CEMIP: variants seen among roughly 807,000 people sequenced by gnomAD.
The protein encoded by CEMIP is cell migration inducing hyaluronidase 1, also known as cell migration-inducing and hyaluronan-binding protein.
Under a neutral mutation model 156.9 loss-of-function variants are expected in CEMIP, and 105 were observed. The observed-to-expected ratio is 0.67, with a 90% CI of 0.57 to 0.79. The LOEUF (loss-of-function observed/expected upper bound fraction) is 0.79. Among genes scored for constraint, CEMIP ranks in the 30% least tolerant of loss-of-function variants. CEMIP has a pLI of 0.00. For missense variants in CEMIP, 1,457 were observed against 1,769.4 expected (o/e 0.82, Z 3.17); for synonymous variants, 676 against 668.4 (o/e 1.01, Z -0.17).
intron 1 of CEMIP, among the ~76,000 whole-genome samples, chr15:80,828,588 TG>T (rs1403125063): frequency 6.6e-6 from 1 of 152,262 alleles, no homozygotes. Context: ...ATTTGTAAAG[TG>T]AATATTCTTA....
rs375316730 is a variant in CEMIP at position 80,909,353 on chromosome 15, G to A, written c.1797+47G>A. The A allele has an allele frequency of 3.2e-4, 500 of 1,577,604 alleles. 4 individuals carry two copies. The highest frequency in any genetic ancestry group is 1.7e-4 in the Middle Eastern group (1 of 6,000). ...GGAACTCTGGGGATGGGCCATGGAT[G>A]GTTAGCACTGGAGGGGTGTTTGGAT... On this transcript the variant is annotated intron_variant, in intron 14 of 29. Transcript: ENST00000394685.
chr15:80,856,921 C>T (rs944252205), intron 1 of CEMIP, among the ~76,000 whole-genome samples: 5 of 152,178 alleles, frequency 3.3e-5, no homozygotes, highest in Admixed American at 6.5e-5. Context: ...CACAATGAGC[C>T]GGTGGCACCC....
intron 1 of CEMIP, among the ~76,000 whole-genome samples, chr15:80,824,799 C>G (rs968873430): frequency 2.0e-5 from 3 of 152,186 alleles, no homozygotes; most frequent in African/African-American, 7.2e-5. Flanking sequence ...CCTCTTTGAA[C>G]TAGGTAGGGT....
intron 29 of CEMIP, chr15:80,948,519 C>T: frequency 2.1e-6 from 1 of 483,862 alleles, no homozygotes; most frequent in South Asian, 2.0e-5. Context: ...TTACAGTTTG[C>T]CCCATTTCCT....
At chr15:80,890,559 C>A (rs1309743889) in intron 10 of CEMIP, among the ~76,000 whole-genome samples, 2 of 150,250 alleles carry the variant, frequency 1.3e-5, no homozygotes, top group Non-Finnish European at 3.0e-5. Flanking sequence ...TGTACTCCAG[C>A]CTGGGTGACC....
intron 17 of CEMIP, among the ~76,000 whole-genome samples, chr15:80,923,240 A>G (rs935136089): frequency 3.3e-5 from 5 of 152,132 alleles, no homozygotes; most frequent in Non-Finnish European, 7.3e-5. Flanking sequence ...AGAGGTGTGG[A>G]AGACAACAGT....
intron 14 of CEMIP, among the ~76,000 whole-genome samples, chr15:80,915,121 G>C (rs1900221870): frequency 6.6e-6 from 1 of 152,198 alleles, no homozygotes; most frequent in Admixed American, 6.5e-5. Flanking sequence ...TTTTACAATA[G>C]TGATGTTTTC....
In CEMIP at chr15:80,867,461, G is replaced by C. The variant is rs146091071; in HGVS notation, c.-175-6077G>C. 8.6e-3 allele frequency among the ~76,000 whole-genome samples: 1,311 copies of C among 152,326 alleles called. 12 individuals carry two copies. Among genetic ancestry groups the C allele is most frequent in the Middle Eastern group, 0.017 (5 of 294 alleles). The stretch of plus-strand genomic sequence containing the variant: ...GCAGGTGTGTTTTCAAAAGGTAAAA[G>C]TAACTCATGCCAGAGAAACATGTTT... On this transcript the variant is annotated intron_variant, in intron 1 of 29. Transcript: ENST00000394685.
chr15:80,914,391 A>G (rs971204948), intron 14 of CEMIP, among the ~76,000 whole-genome samples: 1 of 152,130 alleles, frequency 6.6e-6, no homozygotes, highest in Admixed American at 6.5e-5. Context: ...TTTGACATAA[A>G]TGCTTCCAAT....
intron 1 of CEMIP, among the ~76,000 whole-genome samples, chr15:80,781,669 A>G (rs79311237): frequency 6.8e-6 from 1 of 148,014 alleles, no homozygotes; most frequent in Non-Finnish European, 1.5e-5. Flanking sequence ...ATAAAAAAAA[A>G]TTTTGAGACA....
chr15:80,936,940 T>C, intron 24 of CEMIP, 55 bp downstream of exon 24: 1 of 1,549,044 alleles, frequency 6.5e-7, no homozygotes, highest in Non-Finnish European at 8.9e-7. Flanking sequence ...CGATGCCTTG[T>C]TGCAAAGTCC....
At chr15:80,886,551 AG>A (rs200917066) in intron 7 of CEMIP, among the ~76,000 whole-genome samples, 3 of 152,090 alleles carry the variant, frequency 2.0e-5, no homozygotes, top group South Asian at 2.1e-4. Flanking sequence ...GGGCTACTGT[AG>A]GGGGGGAAAA....
At chr15:80,806,482 A>G (rs1280545328) in intron 1 of CEMIP, among the ~76,000 whole-genome samples, 1 of 152,152 alleles carries the variant, frequency 6.6e-6, no homozygotes, top group Admixed American at 6.5e-5. Context: ...GACCCAAGAG[A>G]ATAATTTTCT....
Position 80,946,761 on chromosome 15 carries a change from G to C in CEMIP, c.3858-204G>C, listed in dbSNP as rs145785155. 2.2e-3 allele frequency: 1,296 copies of C among 598,840 alleles called. 21 individuals are homozygous for C. Among genetic ancestry groups the C allele is most frequent in the South Asian group, 0.014 (755 of 55,648 alleles). 37.1% of individuals were successfully genotyped at this position (598,840 alleles called of 1,614,324 possible). On this transcript the variant is annotated intron_variant, in intron 28 of 29. Transcript: ENST00000394685. Reference sequence around the variant, plus strand: ...GGCACCAACTGTGGCCAGATGTGTGGGAGGGAGCTCAGGATGTTCGTCACC... The same window carrying C: ...GGCACCAACTGTGGCCAGATGTGTGCGAGGGAGCTCAGGATGTTCGTCACC...
intron 1 of CEMIP, among the ~76,000 whole-genome samples, chr15:80,816,402 T>C (rs1256911995): frequency 1.3e-5 from 2 of 152,290 alleles, no homozygotes; most frequent in African/African-American, 4.8e-5. Flanking sequence ...CTCTGTCTGC[T>C]TCCTACTCCA....
At chr15:80,792,451 G>A (rs947912876) in intron 1 of CEMIP, among the ~76,000 whole-genome samples, 1 of 152,180 alleles carries the variant, frequency 6.6e-6, no homozygotes, top group Non-Finnish European at 1.5e-5. Flanking sequence ...CTGGTTAGCT[G>A]CTTGACTTTG....
intron 10 of CEMIP, among the ~76,000 whole-genome samples, chr15:80,891,260 A>G (rs1899024132): frequency 6.6e-6 from 1 of 152,192 alleles, no homozygotes; most frequent in African/African-American, 2.4e-5. Flanking sequence ...CAGTGCCAGG[A>G]AAACAGCATT....
At chr15:80,937,349 T>A (rs1346280158) in intron 24 of CEMIP, among the ~76,000 whole-genome samples, 1 of 152,236 alleles carries the variant, frequency 6.6e-6, no homozygotes, top group African/African-American at 2.4e-5. Flanking sequence ...TAGTATTTTC[T>A]ATGCACATTA....
intron 28 of CEMIP, among the ~76,000 whole-genome samples, chr15:80,945,697 C>A (rs1901524468): frequency 6.6e-6 from 1 of 152,196 alleles, no homozygotes; most frequent in Admixed American, 6.5e-5. Context: ...GAATCCTATA[C>A]AGTTTTTCCA....
Sources: gnomAD v4.1 joint callset for allele counts (sites outside exome capture counted in the v4.1 genomes callset) on GRCh38, gnomAD v4.1.1 for gene constraint, MANE v1.5 for transcripts, NCBI Gene and HGNC (gene_info 2026-07-23, HGNC 2026-07-21) for gene names.